The following DOCK4 variants were observed in gnomAD, a reference collection of about 807,000 sequenced individuals.
DOCK4 encodes dedicator of cytokinesis protein 4.
A neutral mutation model predicts 268.1 loss-of-function variants in DOCK4; 97 were observed. The ratio of observed to expected loss-of-function variants is 0.36; its 90% confidence interval spans 0.31 to 0.43. DOCK4 has a LOEUF of 0.43. Among genes scored for constraint, DOCK4 ranks in the 20% least tolerant of loss-of-function variants. The pLI is 1.00. For missense variants in DOCK4, 2,145 were observed against 2,455.7 expected (o/e 0.87, Z 2.67); for synonymous variants, 954 against 887.2 (o/e 1.08, Z -1.34).
intron 16 of DOCK4, among the ~76,000 whole-genome samples, chr7:111,885,637 A>G (rs1807780207): frequency 6.6e-6 from 1 of 152,208 alleles, no homozygotes; most frequent in African/African-American, 2.4e-5. Context: ...TGGGGGAACA[A>G]AACGATGTCA....
intron 52 of DOCK4, among the ~76,000 whole-genome samples, chr7:111,729,895 A>C (rs1794955834): frequency 1.3e-5 from 2 of 152,264 alleles, no homozygotes. Context: ...TTTCCTCAGC[A>C]GTTTTTTAAA....
chr7:111,977,151 T>C lies in DOCK4; in HGVS notation c.682A>G (p.Lys228Glu). 6.2e-7 allele frequency: 1 copy of C among 1,613,322 alleles called. No individual in the cohort carries two copies. The highest frequency in any genetic ancestry group is 8.5e-7 in the Non-Finnish European group (1 of 1,179,674). Residue 228 changes from lysine to glutamate, a missense_variant, in exon 8 of 53, where the codon AAA becomes GAA. Coordinates refer to ENST00000428084, the MANE Select transcript of DOCK4 (RefSeq NM_001363540.2). ...LEVIFSLFDS[K>E]ENRPISERFF... ...AGGTACCTGATTGGCCGGTTCTCTTTACTGTCAAAGAGTGAGAAGATGACC... is the reference window on the plus strand; with the variant it reads ...AGGTACCTGATTGGCCGGTTCTCTTCACTGTCAAAGAGTGAGAAGATGACC...
chr7:111,933,232 A>ATATACGTATATACACG (rs1562905025), intron 12 of DOCK4, among the ~76,000 whole-genome samples: 1 of 143,438 alleles, frequency 7.0e-6, no homozygotes, highest in African/African-American at 2.6e-5. Context: ...GTATATACAC[A>ATATACGTATATACACG]TATATACGTA....
chr7:112,173,628 T>C (rs1215816760), intron 1 of DOCK4, among the ~76,000 whole-genome samples: 1 of 152,030 alleles, frequency 6.6e-6, no homozygotes, highest in African/African-American at 2.4e-5. Context: ...TTAGGAATCA[T>C]CTGCTCCCAA....
chr7:112,108,728 C>T lies in DOCK4; in HGVS notation c.37+97374G>A, dbSNP rs142838854. On this transcript the variant is annotated intron_variant, in intron 1 of 52. Transcript: ENST00000428084. ...TTCAAGATCTGACCTTTAATTACAT[C>T]CTTTCTATTTATCAAAGACAAATGT... 2.6e-3 allele frequency among the ~76,000 whole-genome samples: 402 copies of T among 152,288 alleles called. 2 individuals carry two copies. Among genetic ancestry groups the T allele is most frequent in the African/African-American group, 9.1e-3 (379 of 41,556 alleles).
At chr7:111,867,050 A>G (rs1806030748) in intron 22 of DOCK4, among the ~76,000 whole-genome samples, 1 of 152,234 alleles carries the variant, frequency 6.6e-6, no homozygotes, top group Non-Finnish European at 1.5e-5. Flanking sequence ...CCTGAGTTAT[A>G]TCCTTGCCCA....
intron 12 of DOCK4, among the ~76,000 whole-genome samples, chr7:111,929,629 A>T (rs1794033269): frequency 6.6e-6 from 1 of 152,060 alleles, no homozygotes; most frequent in Non-Finnish European, 1.5e-5. Flanking sequence ...GCAACCTAAC[A>T]CTCTCAAAAA....
chr7:112,011,281 C>A (rs980571010), intron 1 of DOCK4, among the ~76,000 whole-genome samples: 10 of 152,236 alleles, frequency 6.6e-5, no homozygotes, highest in Non-Finnish European at 1.2e-4. Context: ...CCCGAGAGGA[C>A]TTCCTGCTAA....
intron 30 of DOCK4, chr7:111,801,545 G>A (rs1360377787): frequency 2.0e-5 from 3 of 152,178 alleles, no homozygotes; most frequent in Non-Finnish European, 4.4e-5. Flanking sequence ...GTGTGAGGAA[G>A]AAACATGGCT....
At chr7:111,947,373 TATCTC>T (rs1795701531) in intron 8 of DOCK4, among the ~76,000 whole-genome samples, 1 of 152,228 alleles carries the variant, frequency 6.6e-6, no homozygotes, top group African/African-American at 2.4e-5. Flanking sequence ...CTACCTGGCT[TATCTC>T]ATCTTTTACT....
At chr7:112,029,417 A>G (rs1475434712) in intron 1 of DOCK4, among the ~76,000 whole-genome samples, 1 of 152,228 alleles carries the variant, frequency 6.6e-6, no homozygotes, top group African/African-American at 2.4e-5. Flanking sequence ...TTGTATAAAA[A>G]TGAAAATCCT....
chr7:111,915,288 C>G (rs978538065), intron 13 of DOCK4, among the ~76,000 whole-genome samples: 1 of 152,156 alleles, frequency 6.6e-6, no homozygotes, highest in Admixed American at 6.5e-5. Flanking sequence ...ATCATACACA[C>G]AAATAGATCT....
At chr7:112,129,475 G>A (rs2729553) in intron 1 of DOCK4, among the ~76,000 whole-genome samples, 64,637 of 151,764 alleles carry the variant, frequency 0.43, 14,503 homozygotes, top group South Asian at 0.57. Flanking sequence ...TATACCATAC[G>A]TGAGACTAAA....
chr7:112,157,971 T>C (rs1162272868), intron 1 of DOCK4, among the ~76,000 whole-genome samples: 1 of 152,196 alleles, frequency 6.6e-6, no homozygotes, highest in Admixed American at 6.5e-5. Flanking sequence ...GTCCTCAAAA[T>C]GTTTTTAAAT....
chr7:112,073,331 C>G (rs1173923012), intron 1 of DOCK4, among the ~76,000 whole-genome samples: 1 of 151,972 alleles, frequency 6.6e-6, no homozygotes, highest in Non-Finnish European at 1.5e-5. Context: ...CAAAGGAATA[C>G]CTGCATCCCC....
At chr7:111,983,845 C>T (rs199768683) in intron 7 of DOCK4, among the ~76,000 whole-genome samples, 10,567 of 96,388 alleles carry the variant, frequency 0.11, 519 homozygotes, top group Middle Eastern at 0.18. Context: ...TACACACACA[C>T]GCGCGCGCGC....
At chr7:111,943,677 T>C (rs564601563) in intron 10 of DOCK4, among the ~76,000 whole-genome samples, 40 of 152,308 alleles carry the variant, frequency 2.6e-4, no homozygotes, top group Middle Eastern at 3.4e-3. Context: ...ATTTTTTTCA[T>C]AGACTCATTT....
rs143830550 is a variant in DOCK4 at position 111,929,995 on chromosome 7, A to T, written c.1066+5545T>A. ...TTGCCTCAGTAAATCATATTGGCTC[A>T]GTCTAATGTCACATTCCTATAATTC... On this transcript the variant is annotated intron_variant, in intron 12 of 52. Transcript: ENST00000428084. 3.4e-3 allele frequency among the ~76,000 whole-genome samples: 514 copies of T among 152,364 alleles called. 4 individuals are homozygous for T. The highest frequency in any genetic ancestry group is 0.012 in the African/African-American group (485 of 41,590).
chr7:112,026,582 T>C (rs1802811416), intron 1 of DOCK4, among the ~76,000 whole-genome samples: 1 of 152,240 alleles, frequency 6.6e-6, no homozygotes. Flanking sequence ...TTGTAAATTC[T>C]TCCACAAAAT....
Sources: gnomAD v4.1 joint callset for allele counts (sites outside exome capture counted in the v4.1 genomes callset) on GRCh38, gnomAD v4.1.1 for gene constraint, MANE v1.5 for transcripts, NCBI Gene and HGNC (gene_info 2026-07-23, HGNC 2026-07-21) for gene names.